Variants in PBX4 observed in about 807,000 individuals in gnomAD.
PBX4 encodes PBX homeobox 4.
In PBX4, 26 loss-of-function variants were observed where a neutral mutation model predicts 35.1. That is an observed-to-expected ratio of 0.74 (90% CI 0.54 to 1.03). PBX4 has a LOEUF of 1.03. Ranked by LOEUF, PBX4 falls within the 50% of genes least tolerant of loss-of-function variation. PBX4 has a pLI of 0.00. For missense variants in PBX4, 448 were observed against 504.3 expected, an observed-to-expected ratio of 0.89 and a Z score of 1.07; for synonymous variants, 199 against 204.2, an observed-to-expected ratio of 0.97 and a Z score of 0.22.
intron 6 of PBX4, among the ~76,000 whole-genome samples, chr19:19,564,117 T>C (rs1265780110): frequency 6.7e-6 from 1 of 149,996 alleles, no homozygotes; most frequent in African/African-American, 2.5e-5. Flanking sequence ...GCATTAGGTA[T>C]ATCTCCCAAT....
At chr19:19,603,240 C>T (rs182226872) in intron 1 of PBX4, among the ~76,000 whole-genome samples, 31 of 152,240 alleles carry the variant, frequency 2.0e-4, no homozygotes, top group Admixed American at 2.0e-3. Context: ...GTCATCTTAC[C>T]ATACCTGATT....
chr19:19,612,882 G>A (rs1480321681), intron 1 of PBX4, among the ~76,000 whole-genome samples: 19 of 151,232 alleles, frequency 1.3e-4, no homozygotes, highest in African/African-American at 2.4e-5. Context: ...GCAGTGGCAC[G>A]ATCTCGGCTC....
chr19:19,594,277 T>C (rs2061547700), intron 2 of PBX4, among the ~76,000 whole-genome samples: 1 of 151,018 alleles, frequency 6.6e-6, no homozygotes, highest in African/African-American at 2.4e-5. Flanking sequence ...TGGTGGCAGA[T>C]GCCTGTAATC....
chr19:19,576,056 G>T (rs1031542739), intron 2 of PBX4, among the ~76,000 whole-genome samples: 2 of 151,964 alleles, frequency 1.3e-5, no homozygotes, highest in African/African-American at 4.8e-5. Context: ...TGAAATGCAG[G>T]GCTGCCGCAG....
rs931983119 is a variant in PBX4, at chr19:19,570,102, C to T, written c.632+7G>A. On this transcript the variant is annotated splice_region_variant and intron_variant, in intron 4 of 7. Transcript: ENST00000251203. Reference sequence around the variant, plus strand: ...CCTTGAGGTTTTGGGTACGTACAGGCCCTGACCTGGCATCGAGCAGCCGCG... The same window carrying T: ...CCTTGAGGTTTTGGGTACGTACAGGTCCTGACCTGGCATCGAGCAGCCGCG... The T allele has an allele frequency of 4.4e-6, 7 of 1,593,512 alleles. No individual in the cohort carries two copies. Among genetic ancestry groups the T allele is most frequent in the East Asian group, 2.2e-5 (1 of 44,740 alleles).
chr19:19,595,532 CA>C (rs2061555801), intron 2 of PBX4, among the ~76,000 whole-genome samples: 1 of 152,146 alleles, frequency 6.6e-6, no homozygotes, highest in South Asian at 2.1e-4. Flanking sequence ...TTTGTGTTTC[CA>C]TTTCCATGGC....
Position 19,563,656 on chromosome 19 carries a change from C to T in PBX4, c.926-41G>A. On this transcript the variant is annotated intron_variant, in intron 6 of 7. Coordinates refer to ENST00000251203, the MANE Select transcript of PBX4 (RefSeq NM_025245.3). The surrounding 1 kb of genome is among the most constrained non-coding windows in gnomAD (Gnocchi z 5.1). ...GCCGGGGTGGGCAGAGTCGTGGCGCCTCCTCAGGTGGAACCCACCCAGCCC... is the reference window on the plus strand; with the variant it reads ...GCCGGGGTGGGCAGAGTCGTGGCGCTTCCTCAGGTGGAACCCACCCAGCCC... The T allele has an allele frequency of 6.6e-7, 1 of 1,511,358 alleles. No individual in the cohort carries two copies. Among genetic ancestry groups the T allele is most frequent in the Non-Finnish European group, 9.0e-7 (1 of 1,113,506 alleles). 93.6% of individuals were successfully genotyped at this position (1,511,358 alleles called of 1,614,324 possible).
At chr19:19,568,593 G>A (rs1183937362) in intron 5 of PBX4, among the ~76,000 whole-genome samples, 1 of 150,176 alleles carries the variant, frequency 6.7e-6, no homozygotes, top group African/African-American at 2.5e-5. Flanking sequence ...TATCCCTCAG[G>A]GAACTCACAC....
intron 5 of PBX4, among the ~76,000 whole-genome samples, chr19:19,568,957 C>T (rs940223971): frequency 9.9e-5 from 15 of 152,252 alleles, no homozygotes; most frequent in Non-Finnish European, 2.2e-4. Context: ...CCCTGCCTCA[C>T]AGATGAACGG....
At chr19:19,588,429 A>G in intron 2 of PBX4, 4 of 1,179,436 alleles carry the variant, frequency 3.4e-6, no homozygotes. Context: ...TTCCCAACTA[A>G]GCTGGCCACC....
At chr19:19,565,196 C>T in intron 5 of PBX4, 107 bp from the exon 6 acceptor site, 10 of 1,308,380 alleles carry the variant, frequency 7.6e-6, no homozygotes, top group Non-Finnish European at 1.1e-5. Flanking sequence ...CCTTAGAAGA[C>T]AACACTGCAC....
chr19:19,569,891 C>G (rs187246630), intron 4 of PBX4, among the ~76,000 whole-genome samples: 176 of 152,226 alleles, frequency 1.2e-3, no homozygotes, highest in Non-Finnish European at 2.2e-3. Flanking sequence ...GCCTGGGCAC[C>G]AGAGTGAGAC....
At chr19:19,573,173 C>T (rs2061396459) in intron 2 of PBX4, among the ~76,000 whole-genome samples, 2 of 151,794 alleles carry the variant, frequency 1.3e-5, no homozygotes, top group Admixed American at 1.3e-4. Flanking sequence ...GGCATGATGG[C>T]ACATGCCTGT....
chr19:19,596,287 G>C (rs2061560442), intron 2 of PBX4, among the ~76,000 whole-genome samples: 1 of 151,800 alleles, frequency 6.6e-6, no homozygotes, highest in Non-Finnish European at 1.5e-5. Context: ...CTACTCAGAG[G>C]CTGAGGCAGG....
At chr19:19,575,074 T>TA (rs1365904665) in intron 2 of PBX4, among the ~76,000 whole-genome samples, 1 of 151,518 alleles carries the variant, frequency 6.6e-6, no homozygotes, top group Non-Finnish European at 1.5e-5. Flanking sequence ...CTAATAAAAA[T>TA]ACAAAAAAAA....
At chr19:19,577,140 G>C (rs973550614) in intron 2 of PBX4, among the ~76,000 whole-genome samples, 1 of 151,014 alleles carries the variant, frequency 6.6e-6, no homozygotes, top group African/African-American at 2.4e-5. Context: ...GGCTGCAGTG[G>C]GCCAAGATTG....
chr19:19,597,727 C>A (rs1052239386), intron 2 of PBX4, among the ~76,000 whole-genome samples: 1 of 152,188 alleles, frequency 6.6e-6, no homozygotes, highest in African/African-American at 2.4e-5. Context: ...TCAAGTGACA[C>A]GTTGTGCAGA....
intron 2 of PBX4, among the ~76,000 whole-genome samples, chr19:19,574,571 A>C (rs1362108498): frequency 6.6e-6 from 1 of 152,036 alleles, no homozygotes; most frequent in Non-Finnish European, 1.5e-5. Flanking sequence ...TGGCTGAAGG[A>C]AAAGTGTCCC....
intron 1 of PBX4, among the ~76,000 whole-genome samples, chr19:19,616,723 G>A (rs576979436): frequency 6.6e-6 from 1 of 151,958 alleles, no homozygotes; most frequent in African/African-American, 2.4e-5. Context: ...TCGCTCTGTC[G>A]CCCAGGCTGG....
Sources: gnomAD v4.1 joint callset for allele counts (sites outside exome capture counted in the v4.1 genomes callset) on GRCh38, gnomAD v4.1.1 for gene constraint, Gnocchi (gnomAD v3.1) non-coding constraint, MANE v1.5 for transcripts, NCBI Gene and HGNC (gene_info 2026-07-23, HGNC 2026-07-21) for gene names.